Variants in MPHOSPH8 observed in about 807,000 individuals in gnomAD.
MPHOSPH8 encodes the protein M-phase phosphoprotein, mpp.
A neutral mutation model predicts 87.3 loss-of-function variants in MPHOSPH8; 45 were observed. The ratio of observed to expected loss-of-function variants is 0.52; its 90% CI spans 0.41 to 0.66. The LOEUF is 0.66. Among genes scored for constraint, MPHOSPH8 ranks in the 30% least tolerant of loss-of-function variants. The probability of loss-of-function intolerance (pLI) is 0.00; values close to 1 mark genes in which losing one functional copy is unlikely to be tolerated. For synonymous variants in MPHOSPH8, 366 were observed against 376.9 expected (o/e 0.97, Z 0.33); for missense variants, 883 against 1,020.2 (o/e 0.87, Z 1.83).
chr13:19,670,820 CTTT>C (rs3052670), intron 12 of MPHOSPH8: 5,696 of 948,886 alleles, frequency 6.0e-3, no homozygotes, highest in East Asian at 0.011. Context: ...AAATAAATCA[CTTT>C]TTTTTTTTTT....
At chr13:19,655,138 T>A (rs1038151571) in intron 5 of MPHOSPH8, among the ~76,000 whole-genome samples, 3 of 152,082 alleles carry the variant, frequency 2.0e-5, no homozygotes, top group Admixed American at 1.3e-4. Flanking sequence ...AAAAACAAAT[T>A]ATGAATAAAG....
chr13:19,640,116 GA>G (rs948472985), intron 1 of MPHOSPH8, among the ~76,000 whole-genome samples: 66 of 150,662 alleles, frequency 4.4e-4, no homozygotes, highest in African/African-American at 1.3e-3. Flanking sequence ...CAACCAAAAA[GA>G]AAAAAAAAGC....
chr13:19,636,995 A>T (rs375824055), intron 1 of MPHOSPH8, among the ~76,000 whole-genome samples: 1 of 152,188 alleles, frequency 6.6e-6, no homozygotes, highest in East Asian at 1.9e-4. Flanking sequence ...TTTTGGATTT[A>T]CATGACTCCA....
At chr13:19,640,677 A>C (rs892193845) in intron 1 of MPHOSPH8, among the ~76,000 whole-genome samples, 1 of 152,086 alleles carries the variant, frequency 6.6e-6, no homozygotes, top group Non-Finnish European at 1.5e-5. Context: ...GGCTGCCATC[A>C]ACCCTGGAAA....
At position 19,673,104 on chromosome 13, in the gene MPHOSPH8, T is replaced by G. The variant is rs1040936363; in HGVS notation, c.*1229T>G. The G allele has an allele frequency of 1.1e-4, 49 of 452,312 alleles. No individual in the cohort carries two copies. Among genetic ancestry groups the G allele is most frequent in the African/African-American group, 8.9e-4 (44 of 49,440 alleles). The allele number at this position is 452,312 out of a possible 1,614,324, so 28.0% of individuals were successfully genotyped here. On this transcript the variant is annotated 3_prime_UTR_variant, in exon 14 of 14. Coordinates refer to ENST00000361479, the MANE Select transcript of MPHOSPH8 (RefSeq NM_017520.4). Reference sequence around the variant, plus strand: ...ACCTATACGGTTTTTTTTTGTTTTTTTTTTTTGAAAAGCCAGACCTTGTGC... The same window carrying G: ...ACCTATACGGTTTTTTTTTGTTTTTGTTTTTTGAAAAGCCAGACCTTGTGC...
In MPHOSPH8 at chr13:19,669,984, A is replaced by G. The variant is rs17085495; in HGVS notation, c.2330-252A>G. Among the ~76,000 whole-genome samples, 1,318 of 152,296 alleles carry G rather than the reference A, an allele frequency of 8.7e-3. 23 individuals are homozygous for G. The highest frequency in any genetic ancestry group is 0.03 in the African/African-American group (1,261 of 41,574). On this transcript the variant is annotated intron_variant, in intron 11 of 13. Coordinates refer to ENST00000361479, the MANE Select transcript of MPHOSPH8 (RefSeq NM_017520.4). ...CAGTTAAATAACTTCAGTGTAGAAA[A>G]TCATACGTAAGTCTTTTCCAGGAAC...
intron 5 of MPHOSPH8, 178 bp downstream of exon 5, chr13:19,650,438 T>C: frequency 6.5e-6 from 4 of 615,810 alleles, no homozygotes; most frequent in Non-Finnish European, 1.0e-5. Context: ...GACTTCTCAA[T>C]GGATCAAACA....
chr13:19,647,297 G>T lies in MPHOSPH8; in HGVS notation c.1218+6G>T. ...CCACGGACTCAGCCGAGGAGGTAAGGGCCACGGGAGGCAGCAGAAAACCCA... is the reference window on the plus strand; with the variant it reads ...CCACGGACTCAGCCGAGGAGGTAAGTGCCACGGGAGGCAGCAGAAAACCCA... On this transcript the variant is annotated splice_donor_region_variant and intron_variant, in intron 3 of 13. Coordinates refer to ENST00000361479, the MANE Select transcript of MPHOSPH8 (RefSeq NM_017520.4). 6.4e-7 allele frequency: 1 copy of T among 1,571,204 alleles called. No individual in the cohort carries two copies. Among genetic ancestry groups the T allele is most frequent in the Non-Finnish European group, 8.6e-7 (1 of 1,165,368 alleles).
chr13:19,650,091 A>G lies in MPHOSPH8; in HGVS notation c.1407A>G (p.Glu469=). The change falls in exon 5 of 14, where the codon GAA becomes GAG. Residue 469 remains glutamate (E), a synonymous_variant. Transcript: ENST00000361479. ...NDVSENNRKR[E]EIPLDFKTID... is the part of the protein sequence containing the mutation. ...TTTCTGAGAATAATCGGAAAAGGGAAGAAATACCACTGGATTTTAAAACCA... is the reference window on the plus strand; with the variant it reads ...TTTCTGAGAATAATCGGAAAAGGGAGGAAATACCACTGGATTTTAAAACCA... 1 of 1,613,762 alleles carries G rather than the reference A, an allele frequency of 6.2e-7. No individual in the cohort carries two copies. Among genetic ancestry groups the G allele is most frequent in the South Asian group, 1.1e-5 (1 of 90,986 alleles).
At chr13:19,668,616 C>T in intron 11 of MPHOSPH8, 85 bp downstream of exon 11, 3 of 1,389,684 alleles carry the variant, frequency 2.2e-6, no homozygotes, top group Non-Finnish European at 2.9e-6. Flanking sequence ...TTTCTTGGAA[C>T]AAAACTTTAA....
intron 1 of MPHOSPH8, among the ~76,000 whole-genome samples, chr13:19,637,592 T>A (rs1432660087): frequency 6.6e-6 from 1 of 151,418 alleles, no homozygotes; most frequent in South Asian, 2.1e-4. Flanking sequence ...CCCAAAGTGC[T>A]GGGATTACAG....
intron 5 of MPHOSPH8, among the ~76,000 whole-genome samples, chr13:19,651,200 A>G (rs924154686): frequency 3.9e-5 from 6 of 152,250 alleles, no homozygotes; most frequent in Non-Finnish European, 7.3e-5. Flanking sequence ...TTAAAAGATG[A>G]AAGAATTCTA....
At chr13:19,654,935 C>T (rs113920804) in intron 5 of MPHOSPH8, among the ~76,000 whole-genome samples, 17 of 151,376 alleles carry the variant, frequency 1.1e-4, no homozygotes, top group African/African-American at 3.6e-4. Context: ...GCAACAAGAA[C>T]GACACACCAT....
intron 1 of MPHOSPH8, among the ~76,000 whole-genome samples, chr13:19,635,888 T>C (rs1873980538): frequency 6.6e-6 from 1 of 152,082 alleles, no homozygotes; most frequent in Admixed American, 6.6e-5. Flanking sequence ...GTGGGAGTGG[T>C]TTCGCCCATG....
At chr13:19,642,920 T>C (rs760113097) in intron 2 of MPHOSPH8, among the ~76,000 whole-genome samples, 2 of 152,218 alleles carry the variant, frequency 1.3e-5, no homozygotes. Flanking sequence ...TTATTGAGCA[T>C]GTGTGTATAC....
chr13:19,639,501 C>G (rs6490454), intron 1 of MPHOSPH8, among the ~76,000 whole-genome samples: 151,477 of 152,002 alleles, frequency 1, 75,480 homozygotes, highest in East Asian at 1. Flanking sequence ...AGTAGAGACA[C>G]GGTTTCACCA....
intron 5 of MPHOSPH8, among the ~76,000 whole-genome samples, chr13:19,656,068 T>C (rs1399384511): frequency 6.6e-6 from 1 of 151,920 alleles, no homozygotes; most frequent in Non-Finnish European, 1.5e-5. Flanking sequence ...GCCATTGTAC[T>C]CCAGCCTGGG....
intron 5 of MPHOSPH8, among the ~76,000 whole-genome samples, chr13:19,656,796 C>A (rs996409007): frequency 6.6e-6 from 1 of 151,570 alleles, no homozygotes; most frequent in African/African-American, 2.4e-5. Context: ...TTTTCAATAG[C>A]AACACATTAA....
intron 7 of MPHOSPH8, chr13:19,660,797 G>A (rs1875482572): frequency 3.3e-6 from 1 of 307,240 alleles, no homozygotes; most frequent in Non-Finnish European, 4.8e-6. Context: ...ACACATAAGT[G>A]TGTGTAACTC....
Sources: allele counts gnomAD v4.1 joint callset (sites outside exome capture counted in the v4.1 genomes callset), GRCh38; gene constraint gnomAD v4.1.1; transcripts MANE v1.5; gene names NCBI Gene and HGNC (gene_info 2026-07-23, HGNC 2026-07-21).